Variants in KIAA1217 observed in about 807,000 individuals in gnomAD.
KIAA1217 encodes the protein sickle tail protein homolog.
A neutral mutation model predicts 163.9 loss-of-function variants in KIAA1217; 88 were observed. The observed-to-expected ratio is 0.54, with a 90% CI of 0.45 to 0.64. KIAA1217 has a LOEUF of 0.64. Ranked by LOEUF, KIAA1217 falls within the 30% of genes least tolerant of loss-of-function variation. KIAA1217 has a pLI of 0.00. For missense variants in KIAA1217, 2,372 were observed against 2,475.0 expected, an observed-to-expected ratio of 0.96 and a Z score of 0.88; for synonymous variants, 903 against 923.1, an observed-to-expected ratio of 0.98 and a Z score of 0.39.
intron 3 of KIAA1217, among the ~76,000 whole-genome samples, chr10:24,424,871 G>A (rs1178067869): frequency 3.3e-5 from 5 of 152,200 alleles, no homozygotes; most frequent in Non-Finnish European, 4.4e-5. Context: ...ACAGTGCTGG[G>A]ATTATAGGTG....
At chr10:24,184,065 C>T (rs1251532640) in intron 2 of KIAA1217, among the ~76,000 whole-genome samples, 3 of 152,326 alleles carry the variant, frequency 2.0e-5, no homozygotes, top group South Asian at 4.1e-4. Flanking sequence ...TATAGTAGGA[C>T]AGCTGCCTCT....
At chr10:24,186,531 T>G (rs1350043378) in intron 2 of KIAA1217, among the ~76,000 whole-genome samples, 1 of 152,206 alleles carries the variant, frequency 6.6e-6, no homozygotes, top group Non-Finnish European at 1.5e-5. Flanking sequence ...CTCTTCCAAT[T>G]ACTTGGTTTT....
chr10:24,159,617 A>G (rs2131881616), intron 2 of KIAA1217, among the ~76,000 whole-genome samples: 2 of 152,100 alleles, frequency 1.3e-5, no homozygotes, highest in African/African-American at 4.8e-5. Context: ...GTCTCAAAAA[A>G]AAAAAATGCA....
intron 2 of KIAA1217, among the ~76,000 whole-genome samples, chr10:24,168,480 C>A (rs2065462943): frequency 6.6e-6 from 1 of 152,204 alleles, no homozygotes; most frequent in African/African-American, 2.4e-5. Context: ...TTCCTCTGTG[C>A]TATGGAGACC....
In KIAA1217 at chr10:24,026,733, A is replaced by G. The variant is rs1456755615; in HGVS notation, c.-171+19359A>G. On this transcript the variant is annotated intron_variant, in intron 2 of 18. Transcript: ENST00000376462. Reference sequence around the variant, plus strand: ...TTTTTTCCATTGCTTTCTATTATCTATTTCATTGATTTTTTTTTTTTTTTT... The same window carrying G: ...TTTTTTCCATTGCTTTCTATTATCTGTTTCATTGATTTTTTTTTTTTTTTT... Among the ~76,000 whole-genome samples, 4 of 66,630 alleles carry G rather than the reference A, an allele frequency of 6.0e-5. No individual in the cohort carries two copies. The South Asian group carries it at 1.7e-3, about 28-fold the overall frequency. 43.7% of individuals were successfully genotyped at this position (66,630 alleles called of 152,430 possible).
At chr10:23,738,945 A>G (rs959097944) in intron 1 of KIAA1217, among the ~76,000 whole-genome samples, 3 of 152,204 alleles carry the variant, frequency 2.0e-5, no homozygotes, top group African/African-American at 7.2e-5. Flanking sequence ...AGAGAAAAGT[A>G]AAGTAGGGAA....
intron 2 of KIAA1217, among the ~76,000 whole-genome samples, chr10:24,082,315 T>G (rs779649032): frequency 6.6e-6 from 1 of 152,098 alleles, no homozygotes; most frequent in Non-Finnish European, 1.5e-5. Context: ...AAATGTGCCA[T>G]GGTGGTTTGC....
chr10:24,441,942 C>T (rs181149231), intron 5 of KIAA1217, among the ~76,000 whole-genome samples: 13 of 152,316 alleles, frequency 8.5e-5, no homozygotes, highest in Middle Eastern at 3.4e-3. Context: ...ACTTGCTAGT[C>T]ACCAAACCTG....
chr10:23,796,802 A>G (rs537460995), intron 1 of KIAA1217, among the ~76,000 whole-genome samples: 3 of 152,236 alleles, frequency 2.0e-5, no homozygotes, highest in South Asian at 2.1e-4. Flanking sequence ...AAGGAACAGA[A>G]TACTTTAGGT....
At chr10:24,491,615 C>T (rs893337374) in intron 6 of KIAA1217, among the ~76,000 whole-genome samples, 1 of 152,044 alleles carries the variant, frequency 6.6e-6, no homozygotes, top group African/African-American at 2.4e-5. Flanking sequence ...TGCTGATGCT[C>T]TCCTTTGTTG....
At chr10:24,464,212 C>T (rs1254141002) in intron 5 of KIAA1217, among the ~76,000 whole-genome samples, 1 of 152,182 alleles carries the variant, frequency 6.6e-6, no homozygotes, top group African/African-American at 2.4e-5. Flanking sequence ...GCATTTAACT[C>T]ATCCTGATTC....
chr10:23,817,307 A>G (rs1837352798), intron 1 of KIAA1217, among the ~76,000 whole-genome samples: 1 of 152,226 alleles, frequency 6.6e-6, no homozygotes, highest in Non-Finnish European at 1.5e-5. Context: ...AGAAGAATCC[A>G]TCCAGAAGAA....
chr10:23,788,374 AG>A (rs1330380819), intron 1 of KIAA1217, among the ~76,000 whole-genome samples: 1 of 152,190 alleles, frequency 6.6e-6, no homozygotes, highest in Admixed American at 6.5e-5. Context: ...AATGGGAGGA[AG>A]TAAGTTGCCC....
intron 1 of KIAA1217, among the ~76,000 whole-genome samples, chr10:23,708,172 G>T (rs1837010753): frequency 6.6e-6 from 1 of 152,140 alleles, no homozygotes; most frequent in African/African-American, 2.4e-5. Context: ...TATAAAATCA[G>T]ATCTCATGGG....
chr10:24,347,384 GA>G (rs1224427792), intron 2 of KIAA1217, among the ~76,000 whole-genome samples: 2 of 152,142 alleles, frequency 1.3e-5, no homozygotes, highest in East Asian at 1.9e-4. Context: ...GAGCCATTGA[GA>G]TTTTTTTTAC....
chr10:24,367,180 A>G, intron 2 of KIAA1217: 1 of 985,232 alleles, frequency 1.0e-6, no homozygotes, highest in East Asian at 1.1e-4. Context: ...TACTTGATGA[A>G]AATTGAATCG....
At chr10:24,441,622 C>T (rs551830775) in intron 5 of KIAA1217, among the ~76,000 whole-genome samples, 1 of 152,028 alleles carries the variant, frequency 6.6e-6, no homozygotes, top group Non-Finnish European at 1.5e-5. Context: ...TCTAAGGAGA[C>T]TTGTGGTTCT....
intron 2 of KIAA1217, among the ~76,000 whole-genome samples, chr10:24,073,041 A>C (rs1321709938): frequency 6.6e-6 from 1 of 151,630 alleles, no homozygotes; most frequent in African/African-American, 2.4e-5. Context: ...CCTGGGAAAC[A>C]GAATGAGACT....
intron 2 of KIAA1217, among the ~76,000 whole-genome samples, chr10:24,021,809 T>C (rs532890180): frequency 6.6e-6 from 1 of 151,684 alleles, no homozygotes; most frequent in Non-Finnish European, 1.5e-5. Context: ...ACAAATATAG[T>C]CAACTGATCT....
Sources: gnomAD v4.1 joint callset for allele counts (sites outside exome capture counted in the v4.1 genomes callset) on GRCh38, gnomAD v4.1.1 for gene constraint, MANE v1.5 for transcripts, NCBI Gene and HGNC (gene_info 2026-07-23, HGNC 2026-07-21) for gene names.